The following XPNPEP2 variants were observed in gnomAD, a reference collection of about 807,000 sequenced individuals.
XPNPEP2 encodes xaa-Pro aminopeptidase 2.
Under a neutral mutation model 59.8 loss-of-function variants are expected in XPNPEP2, and 64 were observed. That is an observed-to-expected ratio of 1.07 (90% CI 0.87 to 1.32). XPNPEP2 has a LOEUF of 1.32. XPNPEP2 is among the 40% of genes most tolerant of loss of function. XPNPEP2 has a pLI of 0.00. For missense variants in XPNPEP2, 575 were observed against 546.8 expected, an observed-to-expected ratio of 1.05 and a Z score of -0.51; for synonymous variants, 235 against 210.0, an observed-to-expected ratio of 1.12 and a Z score of -1.03.
chrX:129,747,706 C>T lies in XPNPEP2; in HGVS notation c.590C>T (p.Pro197Leu). Residue 197 changes from proline to leucine, a missense_variant, in exon 7 of 21, where the codon CCA (proline) becomes CTA (leucine). Transcript: ENST00000371106. ...GACCTGGTATGGGGATCAGAGAGGCCACCGGTTCCAAATCAACCCATTTAT... is the reference window on the plus strand; with the variant it reads ...GACCTGGTATGGGGATCAGAGAGGCTACCGGTTCCAAATCAACCCATTTAT... ...LVDLVWGSER[P>L]PVPNQPIYAL... is the part of the protein sequence containing the mutation. 1 of 1,211,913 alleles carries T rather than the reference C, an allele frequency of 8.3e-7. No individual in the cohort carries two copies.
At position 129,754,571 on chromosome X, in the gene XPNPEP2, A is replaced by C. The variant is rs774709420; in HGVS notation, c.1207A>C (p.Lys403Gln). ...GTTCTCGGGGGCAGAGATCGTGGACAAGTTCCGAGGGTGAAGAGCCACGGC... is the reference window on the plus strand; with the variant it reads ...GTTCTCGGGGGCAGAGATCGTGGACCAGTTCCGAGGGTGAAGAGCCACGGC... ...DEFSGAEIVD[K>Q]FRGEEQFSSG... is the part of the protein sequence containing the mutation. The change falls in exon 12 of 21, where the codon AAG becomes CAG. Residue 403 changes from lysine to glutamine, a missense_variant. Physicochemically the swap from Lys to Gln is moderately conservative, Grantham distance 53. Transcript: ENST00000371106. The C allele has an allele frequency of 3.6e-5, 43 of 1,181,774 alleles. No homozygotes were observed. In the South Asian group the frequency reaches 7.2e-4, roughly 20 times the overall value.
In XPNPEP2 at chrX:129,750,579, G is replaced by T. The variant is rs766003332; in HGVS notation, c.739+10G>T. ...CTTGAGGAGACGGCCTGTGAGTGTG[G>T]ATTTGCAGACATGGGTGGGCGCCTG... On this transcript the variant is annotated intron_variant, in intron 8 of 20. Coordinates refer to ENST00000371106, the MANE Select transcript of XPNPEP2 (RefSeq NM_003399.6). 1 of 1,170,438 alleles carries T rather than the reference G, an allele frequency of 8.5e-7. No homozygotes were observed. Among genetic ancestry groups the T allele is most frequent in the South Asian group, 1.9e-5 (1 of 52,675 alleles).
At chrX:129,746,950 T>C (rs1926309936) in intron 6 of XPNPEP2, 1 of 370,071 alleles carries the variant, frequency 2.7e-6, no homozygotes. Context: ...ATTAAAGAGC[T>C]AGTGGATGAA....
At chrX:129,765,635 C>CTTTTTTTTTTTTTTTTTTTTTTTTTTTT (rs56014067) in intron 19 of XPNPEP2, among the ~76,000 whole-genome samples, 1 of 67,339 alleles carries the variant, frequency 1.5e-5, no homozygotes, top group Non-Finnish European at 2.7e-5. Context: ...TTCTTTCTTT[C>CTTTTTTTTTTTTTTTTTTTTTTTTTTTT]TTTTTTTTTT....
Position 129,744,072 on chromosome X carries a change from G to C in XPNPEP2, c.234+1G>C. 1.7e-6 allele frequency: 2 copies of C among 1,204,864 alleles called. No homozygotes were observed. Among genetic ancestry groups the C allele is most frequent in the South Asian group, 3.5e-5 (2 of 56,779 alleles). On this transcript the variant is annotated splice_donor_variant, in intron 3 of 20. Transcript: ENST00000371106. LOFTEE classifies it high-confidence loss of function. ...CATCCCAGGCACAGATGCTCACATG[G>C]TAAGAGACAGCTTCTCTCCCCCTTG...
intron 5 of XPNPEP2, 81 bp from the exon 6 acceptor site, chrX:129,746,514 C>A: frequency 2.0e-6 from 2 of 1,012,400 alleles, no homozygotes; most frequent in Non-Finnish European, 2.8e-6. Flanking sequence ...CATGGTAGGA[C>A]CATCAGACAG....
intron 13 of XPNPEP2, 122 bp downstream of exon 13, chrX:129,755,493 C>G: frequency 1.5e-6 from 1 of 651,543 alleles, no homozygotes; most frequent in Non-Finnish European, 2.4e-6. Context: ...TCCGAGGCCC[C>G]TAGCCCTGTG....
chrX:129,751,579 AAAGAAAGAAAGAAAGAAAGGAAGG>A lies in XPNPEP2; in HGVS notation c.740-162_740-139del, dbSNP rs1183642221. On this transcript the variant is annotated intron_variant, in intron 8 of 20. Transcript: ENST00000371106. ...GAAAGAAAGAAAGAAAGAAAGAAAG[AAAGAAAGAAAGAAAGAAAGGAAGG>A]AAGGAAGGAAGGAAGGAAGGAAGGA... is the stretch of plus-strand genomic sequence containing the variant. Among the ~76,000 whole-genome samples, 231 of 76,488 alleles carry A rather than the reference AAAGAAAGAAAGAAAGAAAGGAAGG, an allele frequency of 3.0e-3. 2 individuals are homozygous for A. Among genetic ancestry groups the A allele is most frequent in the African/African-American group, 0.011 (207 of 18,130 alleles). 66.4% of individuals were successfully genotyped at this position (76,488 alleles called of 115,157 possible).
At chrX:129,754,631 G>A (rs1926483797) in intron 12 of XPNPEP2, 50 bp downstream of exon 12, 1 of 1,068,106 alleles carries the variant, frequency 9.4e-7, no homozygotes, top group East Asian at 3.3e-5. Flanking sequence ...TAGTGTGGCA[G>A]TGGGGGCAGG....
chrX:129,751,583 AAAGAAAGAAAGAAAGG>A (rs1223186317), intron 8 of XPNPEP2, among the ~76,000 whole-genome samples, 146 bp from the exon 9 acceptor site: 419 of 73,414 alleles, frequency 5.7e-3, no homozygotes, highest in African/African-American at 0.011. Context: ...AGAAAGAAAG[AAAGAAAGAAAGAAAGG>A]AAGGAAGGAA....
chrX:129,754,792 T>C (rs1401726417), intron 12 of XPNPEP2, among the ~76,000 whole-genome samples: 1 of 111,032 alleles, frequency 9.0e-6, no homozygotes, highest in African/African-American at 3.3e-5. Context: ...CCCGCCCCGC[T>C]GAAAGCAGGA....
chrX:129,767,956 C>T (rs1926782961), intron 20 of XPNPEP2, among the ~76,000 whole-genome samples: 1 of 111,780 alleles, frequency 8.9e-6, no homozygotes, highest in South Asian at 3.7e-4. Flanking sequence ...CACTACAAGG[C>T]CTGGAACTAT....
chrX:129,755,461 G>C, intron 13 of XPNPEP2, 90 bp downstream of exon 13: 1 of 939,755 alleles, frequency 1.1e-6, no homozygotes, highest in Non-Finnish European at 1.5e-6. Context: ...GGATGTTCTG[G>C]GACCTGAGTC....
intron 19 of XPNPEP2, among the ~76,000 whole-genome samples, chrX:129,766,335 G>A (rs1483802372): frequency 2.7e-5 from 3 of 111,665 alleles, no homozygotes; most frequent in Admixed American, 1.9e-4. Flanking sequence ...GAGTAGCTGG[G>A]ACTACAGGCG....
In XPNPEP2 at chrX:129,752,169, C is replaced by G. The variant is rs775059212; in HGVS notation, c.841C>G (p.Arg281Gly). 1.7e-6 allele frequency: 2 copies of G among 1,209,178 alleles called. No homozygotes were observed. The highest frequency in any genetic ancestry group is 1.8e-5 in the African/African-American group (1 of 57,082). ...ACCCAGGTTGTTTGCAAACAAGAGT[C>G]GCTTTAGCTCCGAAACCTTGAGCTA... is the stretch of plus-strand genomic sequence containing the variant. Reference protein sequence around the residue: ...SSIRLFANKSRFSSETLSYLN... With the variant: ...SSIRLFANKSGFSSETLSYLN... Residue 281 changes from arginine (R) to glycine (G), a missense_variant, in exon 10 of 21, where the codon CGC (arginine) becomes GGC (glycine). Physicochemically the swap from Arg to Gly is moderately radical, Grantham distance 125 (BLOSUM62 -2). Coordinates refer to ENST00000371106, the MANE Select transcript of XPNPEP2 (RefSeq NM_003399.6).
chrX:129,764,904 C>T lies in XPNPEP2; in HGVS notation c.1740+2134C>T, dbSNP rs988357134. 6.3e-5 allele frequency among the ~76,000 whole-genome samples: 7 copies of T among 110,688 alleles called. No homozygotes were observed. In the East Asian group the frequency reaches 1.1e-3, roughly 18 times the overall value. ...GCTTGAACCCGGGAGGTGGAGGTTG[C>T]GGTGAGCCAAGATCACACCACTGCA... On this transcript the variant is annotated intron_variant, in intron 19 of 20. Transcript: ENST00000371106.
At chrX:129,745,839 C>T (rs938239321) in intron 4 of XPNPEP2, among the ~76,000 whole-genome samples, 3 of 111,645 alleles carry the variant, frequency 2.7e-5, no homozygotes, top group Non-Finnish European at 5.7e-5. Flanking sequence ...CTCGTAGGCT[C>T]TTTTTCCCTT....
chrX:129,768,727 A>C lies in XPNPEP2; in HGVS notation c.*242A>C. ...TTGTATACCACACCCTGGGCCCCTA[A>C]TCCCAGGCCCCGAGATAGGAAAGCC... is the stretch of plus-strand genomic sequence containing the variant. On this transcript the variant is annotated 3_prime_UTR_variant, in exon 21 of 21. Coordinates refer to ENST00000371106, the MANE Select transcript of XPNPEP2 (RefSeq NM_003399.6). 4.3e-5 allele frequency: 12 copies of C among 276,521 alleles called. No homozygotes were observed. The highest frequency in any genetic ancestry group is 5.9e-5 in the Admixed American group (1 of 16,919). 22.8% of individuals were successfully genotyped at this position (276,521 alleles called of 1,213,427 possible).
rs1396591017 is a variant in XPNPEP2 at position 129,739,212 on chromosome X, C to CTATG, written c.-1_3dup. 2.5e-6 allele frequency: 3 copies of CTATG among 1,209,431 alleles called. No individual in the cohort carries two copies. On this transcript the variant is annotated 5_prime_UTR_variant, in exon 1 of 21. The change creates a new upstream start codon in the 5' untranslated region. Transcript: ENST00000371106. ...CACCCAGCGCCGGCATCTGGAGACC[C>CTATG]TATGGCCCGGGCTCACTGGGGCTGC... is the stretch of plus-strand genomic sequence containing the variant.
Sources: allele counts gnomAD v4.1 joint callset (sites outside exome capture counted in the v4.1 genomes callset), GRCh38; gene constraint gnomAD v4.1.1; transcripts MANE v1.5; gene names NCBI Gene and HGNC (gene_info 2026-07-23, HGNC 2026-07-21).